Variants in PRELID2 observed in about 807,000 individuals in gnomAD.
PRELID2 encodes PRELI domain containing 2.
PRELID2 carries 25 observed loss-of-function variants against 28.4 expected under a neutral mutation model. That is an observed-to-expected ratio of 0.88 (90% confidence interval 0.64 to 1.23). PRELID2 has a LOEUF of 1.23. PRELID2 is among the 50% of genes most tolerant of loss of function. The pLI is 0.00. For synonymous variants in PRELID2, 76 were observed against 71.6 expected, an observed-to-expected ratio of 1.06 and a Z score of -0.31; for missense variants, 201 against 214.4, an observed-to-expected ratio of 0.94 and a Z score of 0.39.
At chr5:145,250,783 T>C in the PRELID2 span, among the ~76,000 whole-genome samples, 64 of 152,228 alleles carry the variant, frequency 4.2e-4, no homozygotes, top group African/African-American at 1.5e-3. Flanking sequence ...AGGATCTTGA[T>C]AAAGCCAAAC....
chr5:145,302,674 T>G, the PRELID2 span, among the ~76,000 whole-genome samples: 2 of 152,126 alleles, frequency 1.3e-5, no homozygotes, highest in African/African-American at 4.8e-5. Flanking sequence ...TAAGAAAAAT[T>G]AAATGTGATT....
chr5:145,328,473 C>T, the PRELID2 span, among the ~76,000 whole-genome samples: 3 of 152,140 alleles, frequency 2.0e-5, no homozygotes, highest in African/African-American at 4.8e-5. Context: ...TAATGATTGC[C>T]AATCTGACTG....
chr5:145,800,114 ACAAT>A (rs1753030162), intron 4 of PRELID2, among the ~76,000 whole-genome samples: 1 of 152,160 alleles, frequency 6.6e-6, no homozygotes, highest in Non-Finnish European at 1.5e-5. Flanking sequence ...ATGCACTGAA[ACAAT>A]CAAAAAAAAT....
chr5:145,736,552 G>T (rs1034750948), intron 1 of PRELID2, among the ~76,000 whole-genome samples: 1 of 152,140 alleles, frequency 6.6e-6, no homozygotes, highest in African/African-American at 2.4e-5. Context: ...TTGACTCTAT[G>T]ATCTATCTGG....
At chr5:145,231,444 G>A in the PRELID2 span, among the ~76,000 whole-genome samples, 2,758 of 152,240 alleles carry the variant, frequency 0.018, 41 homozygotes, top group Middle Eastern at 0.058. Context: ...CCTACACTGA[G>A]GGAGAGAGTC....
the PRELID2 span, among the ~76,000 whole-genome samples, chr5:145,238,093 C>T: frequency 1.8e-4 from 27 of 152,232 alleles, no homozygotes; most frequent in Admixed American, 1.3e-3. Context: ...ATTGCTAGAG[C>T]GCCACCTAGA....
chr5:145,260,191 C>G, the PRELID2 span, among the ~76,000 whole-genome samples: 1 of 152,282 alleles, frequency 6.6e-6, no homozygotes, highest in South Asian at 2.1e-4. Flanking sequence ...GTTTCCTGCA[C>G]AGCCTGCAGA....
At chr5:145,397,789 G>T in the PRELID2 span, among the ~76,000 whole-genome samples, 1 of 152,146 alleles carries the variant, frequency 6.6e-6, no homozygotes, top group Non-Finnish European at 1.5e-5. Context: ...CCTGCCATTG[G>T]TTAAAATGGT....
At chr5:145,494,806 A>G (rs1190316532) in intron 1 of PRELID2, among the ~76,000 whole-genome samples, 1 of 152,202 alleles carries the variant, frequency 6.6e-6, no homozygotes, top group East Asian at 1.9e-4. Flanking sequence ...ATCTCATTGA[A>G]TAGATAAGAG....
the PRELID2 span, among the ~76,000 whole-genome samples, chr5:145,331,363 A>G: frequency 6.6e-6 from 1 of 152,132 alleles, no homozygotes; most frequent in Admixed American, 6.6e-5. Flanking sequence ...TAATATTGAC[A>G]GTGGGATCTT....
rs147798512 is a variant in PRELID2 at position 145,583,339 on chromosome 5, C to T, written n.71-110024G>A. On this transcript the variant is annotated intron_variant and non_coding_transcript_variant, in intron 1 of 2. Coordinates refer to the PRELID2 transcript ENST00000510259. ...AACAAACCCACAGCCAATATCCTAC[C>T]GATGGGCAAAAACTTGGAGCATTCC... Among the ~76,000 whole-genome samples, 13 of 152,080 alleles carry T rather than the reference C, an allele frequency of 8.5e-5. No individual in the cohort carries two copies. In the East Asian group the frequency reaches 9.7e-4, roughly 11 times the overall value.
At chr5:145,332,069 C>A in the PRELID2 span, among the ~76,000 whole-genome samples, 1 of 152,064 alleles carries the variant, frequency 6.6e-6, no homozygotes, top group Non-Finnish European at 1.5e-5. Context: ...GTTGAAAATT[C>A]TTTGAAGAAT....
intron 1 of PRELID2, among the ~76,000 whole-genome samples, chr5:145,706,578 G>A (rs1755553755): frequency 6.6e-6 from 1 of 152,150 alleles, no homozygotes; most frequent in African/African-American, 2.4e-5. Flanking sequence ...ACAATTCAAT[G>A]TCTATGGGTC....
intron 1 of PRELID2, among the ~76,000 whole-genome samples, chr5:145,498,988 TA>T (rs1462884136): frequency 1.5e-4 from 23 of 152,178 alleles, no homozygotes; most frequent in African/African-American, 5.1e-4. Context: ...AGACAAAATA[TA>T]AATAGAATTC....
chr5:145,704,316 A>T (rs1204142385), intron 1 of PRELID2: 2 of 152,224 alleles, frequency 1.3e-5, no homozygotes, highest in African/African-American at 4.8e-5. Flanking sequence ...TGTAAAAGAC[A>T]CAGAGGAAAT....
At chr5:145,729,476 G>T in intron 1 of PRELID2, 1 of 293,662 alleles carries the variant, frequency 3.4e-6, no homozygotes, top group Non-Finnish European at 6.2e-6. Context: ...CTCTAAGTGG[G>T]GCCCTCTGAA....
At chr5:145,481,623 C>CAAAA (rs70998021) in intron 1 of PRELID2, among the ~76,000 whole-genome samples, 716 of 41,818 alleles carry the variant, frequency 0.017, 2 homozygotes, top group East Asian at 0.026. Flanking sequence ...GCAAGGAAAT[C>CAAAA]AAAAAAAAAA....
At chr5:145,392,380 C>G in the PRELID2 span, among the ~76,000 whole-genome samples, 88 of 152,128 alleles carry the variant, frequency 5.8e-4, 1 homozygote, top group African/African-American at 2.0e-3. Flanking sequence ...AACTCACTAT[C>G]AAGAGAACAG....
intron 5 of PRELID2, among the ~76,000 whole-genome samples, chr5:145,793,907 C>A (rs1370105652): frequency 6.6e-6 from 1 of 152,076 alleles, no homozygotes; most frequent in Non-Finnish European, 1.5e-5. Context: ...CGCCCCACAA[C>A]CCCTTCCCCT....
Sources: allele counts gnomAD v4.1 joint callset (sites outside exome capture counted in the v4.1 genomes callset), GRCh38; gene constraint gnomAD v4.1.1; transcripts MANE v1.5; gene names NCBI Gene and HGNC (gene_info 2026-07-23, HGNC 2026-07-21).